PCDH11Y: variants seen among roughly 807,000 people sequenced by gnomAD.
PCDH11Y encodes protocadherin-11 Y-linked.
For missense variants in PCDH11Y, 12 were observed against 224.8 expected (o/e 0.05, Z 6.05); for synonymous variants, 9 against 83.6 (o/e 0.11, Z 4.87).
chrY:5,604,331 A>T, intron 4 of PCDH11Y, among the ~76,000 whole-genome samples: 1 of 32,895 alleles, frequency 3.0e-5, no homozygotes, highest in African/African-American at 1.2e-4. Flanking sequence ...ATCGTAGTTC[A>T]AATTTCATTA....
At chrY:5,005,906 C>A in intron 1 of PCDH11Y, among the ~76,000 whole-genome samples, 2 of 32,984 alleles carry the variant, frequency 6.1e-5, no homozygotes, top group Non-Finnish European at 1.5e-4. Flanking sequence ...TTTAAACTTG[C>A]TTAGATTTGC....
At chrY:5,178,751 G>C in intron 2 of PCDH11Y, among the ~76,000 whole-genome samples, 1 of 31,837 alleles carries the variant, frequency 3.1e-5, no homozygotes, top group African/African-American at 1.2e-4. Context: ...GCATTGATTA[G>C]GTATTTTTCT....
intron 2 of PCDH11Y, among the ~76,000 whole-genome samples, chrY:5,458,173 A>C: frequency 3.1e-5 from 1 of 32,037 alleles, no homozygotes; most frequent in East Asian, 8.2e-4. Context: ...TCAGTAGATG[A>C]ATAATTTGTG....
At chrY:5,011,798 C>T in intron 1 of PCDH11Y, among the ~76,000 whole-genome samples, 1 of 33,041 alleles carries the variant, frequency 3.0e-5, no homozygotes. Flanking sequence ...CAAGTTAAAA[C>T]ACATGACATT....
chrY:5,384,321 A>T, intron 2 of PCDH11Y, among the ~76,000 whole-genome samples: 1 of 30,747 alleles, frequency 3.3e-5, no homozygotes, highest in Non-Finnish European at 7.8e-5. Context: ...AATATAAAAA[A>T]ATATTCTACA....
chrY:5,471,507 T>A, intron 2 of PCDH11Y, among the ~76,000 whole-genome samples: 1 of 32,541 alleles, frequency 3.1e-5, no homozygotes, highest in African/African-American at 1.2e-4. Flanking sequence ...TGACTAAGCA[T>A]AAATTAATCT....
At chrY:5,213,532 G>T in intron 2 of PCDH11Y, among the ~76,000 whole-genome samples, 1 of 32,407 alleles carries the variant, frequency 3.1e-5, no homozygotes, top group East Asian at 8.3e-4. Flanking sequence ...AATTGGGTTT[G>T]GTTTTCTGCA....
chrY:5,185,111 G>T, intron 2 of PCDH11Y, among the ~76,000 whole-genome samples: 1 of 32,166 alleles, frequency 3.1e-5, no homozygotes, highest in Non-Finnish European at 7.6e-5. Flanking sequence ...ATGGAGTCTT[G>T]ATCTGTCTCC....
intron 1 of PCDH11Y, among the ~76,000 whole-genome samples, chrY:5,074,838 T>C: frequency 3.1e-5 from 1 of 31,961 alleles, no homozygotes. Context: ...GCCAACCTAA[T>C]TTCAAATCTT....
intron 2 of PCDH11Y, among the ~76,000 whole-genome samples, chrY:5,481,558 T>G (rs2124685812): frequency 3.0e-5 from 1 of 33,214 alleles, no homozygotes; most frequent in Non-Finnish European, 7.5e-5. Flanking sequence ...AATCCAATCA[T>G]TTACAAAAAA....
At chrY:5,022,349 G>A in intron 1 of PCDH11Y, among the ~76,000 whole-genome samples, 1 of 30,202 alleles carries the variant, frequency 3.3e-5, no homozygotes, top group Admixed American at 3.1e-4. Context: ...ATTGCTGGGC[G>A]CCCTGGGCCT....
intron 2 of PCDH11Y, among the ~76,000 whole-genome samples, chrY:5,150,111 A>G: frequency 6.1e-5 from 2 of 32,707 alleles, no homozygotes; most frequent in African/African-American, 2.4e-4. Context: ...ATATCTGTAT[A>G]TTCCATGTGT....
chrY:5,281,427 CTT>C (rs2053053740), intron 2 of PCDH11Y, among the ~76,000 whole-genome samples: 1 of 30,352 alleles, frequency 3.3e-5, no homozygotes, highest in African/African-American at 1.3e-4. Context: ...ATATTCTTCA[CTT>C]ATATGTAAAA....
intron 2 of PCDH11Y, among the ~76,000 whole-genome samples, chrY:5,375,875 A>G: frequency 3.0e-5 from 1 of 33,037 alleles, no homozygotes; most frequent in Non-Finnish European, 7.5e-5. Flanking sequence ...TTTATTAATT[A>G]TTGTAATTGT....
intron 2 of PCDH11Y, among the ~76,000 whole-genome samples, chrY:5,468,587 A>G: frequency 3.1e-5 from 1 of 31,876 alleles, no homozygotes; most frequent in Non-Finnish European, 7.7e-5. Context: ...ATTCACGTCT[A>G]TTCTCAATAG....
chrY:5,259,817 A>G (rs1602895019), intron 2 of PCDH11Y, among the ~76,000 whole-genome samples: 1 of 33,138 alleles, frequency 3.0e-5, no homozygotes, highest in Non-Finnish European at 7.5e-5. Context: ...CTTCCTGCTC[A>G]TTAATGTCCT....
At chrY:5,615,969 G>A in intron 4 of PCDH11Y, among the ~76,000 whole-genome samples, 1 of 33,462 alleles carries the variant, frequency 3.0e-5, no homozygotes, top group African/African-American at 1.2e-4. Flanking sequence ...ATGTTATACC[G>A]CAGGTATGTT....
intron 2 of PCDH11Y, among the ~76,000 whole-genome samples, chrY:5,183,922 A>G: frequency 3.8e-5 from 1 of 26,173 alleles, no homozygotes; most frequent in Non-Finnish European, 7.9e-5. Flanking sequence ...TAACACATTC[A>G]TCACTGAAAA....
At chrY:5,687,326 G>T in intron 4 of PCDH11Y, among the ~76,000 whole-genome samples, 1 of 31,594 alleles carries the variant, frequency 3.2e-5, no homozygotes, top group Non-Finnish European at 7.7e-5. Context: ...TTCATAGGCT[G>T]GGCCCAGTGG....
Sources: gnomAD v4.1 joint callset for allele counts (sites outside exome capture counted in the v4.1 genomes callset) on GRCh38, gnomAD v4.1.1 for gene constraint, MANE v1.5 for transcripts, NCBI Gene and HGNC (gene_info 2026-07-23, HGNC 2026-07-21) for gene names.